The following PPP3CA variants were observed in gnomAD, a reference collection of about 807,000 sequenced individuals.
PPP3CA encodes protein phosphatase 3 catalytic subunit alpha, also known as CAM-PRP catalytic subunit.
A neutral mutation model predicts 66.5 loss-of-function variants in PPP3CA; 14 were observed. The ratio of observed to expected loss-of-function variants is 0.21; its 90% CI spans 0.14 to 0.33. The LOEUF (loss-of-function observed/expected upper bound fraction) is 0.33, where lower values mean the gene tolerates loss of function less well. PPP3CA is among the 10% of genes least tolerant of loss of function. The pLI, the probability that PPP3CA is intolerant of heterozygous loss-of-function variation, is 1.00. For synonymous variants in PPP3CA, 232 were observed against 226.2 expected (o/e 1.03, Z -0.23); for missense variants, 317 against 639.5 (o/e 0.50, Z 5.44).
At chr4:101,109,906 T>C (rs567524379) in intron 2 of PPP3CA, among the ~76,000 whole-genome samples, 20 of 152,222 alleles carry the variant, frequency 1.3e-4, no homozygotes, top group African/African-American at 4.6e-4. Context: ...ACTCTAAAAA[T>C]AATATTTTTA....
intron 1 of PPP3CA, among the ~76,000 whole-genome samples, chr4:101,248,530 A>C (rs1726564183): frequency 6.6e-6 from 1 of 152,194 alleles, no homozygotes; most frequent in Non-Finnish European, 1.5e-5. Flanking sequence ...TAAACATCAT[A>C]TCAAATTCCA....
chr4:101,059,569 A>G (rs1037862405), intron 10 of PPP3CA, among the ~76,000 whole-genome samples: 1 of 152,144 alleles, frequency 6.6e-6, no homozygotes, highest in Non-Finnish European at 1.5e-5. Flanking sequence ...GGTATTTTGC[A>G]TTTATACCCA....
chr4:101,027,644 G>C (rs1726721255), intron 13 of PPP3CA, among the ~76,000 whole-genome samples: 1 of 152,048 alleles, frequency 6.6e-6, no homozygotes. Flanking sequence ...GTCTTTTTTA[G>C]ACTACTGTGA....
rs578246897 is a variant in PPP3CA at position 101,147,736 on chromosome 4, A to C, written c.260-38658T>G. 3.3e-5 allele frequency among the ~76,000 whole-genome samples: 5 copies of C among 152,210 alleles called. No individual in the cohort carries two copies. The South Asian group carries it at 1.0e-3, about 32-fold the overall frequency. On this transcript the variant is annotated intron_variant, in intron 2 of 13. Coordinates refer to ENST00000394854, the MANE Select transcript of PPP3CA (RefSeq NM_000944.5). ...CACACACACACACACCCATACCCACACACAGATTTGTAGATTCAAACCACA... is the reference window on the plus strand; with the variant it reads ...CACACACACACACACCCATACCCACCCACAGATTTGTAGATTCAAACCACA...
intron 2 of PPP3CA, among the ~76,000 whole-genome samples, chr4:101,126,023 G>C (rs1260300729): frequency 6.6e-6 from 1 of 152,022 alleles, no homozygotes; most frequent in East Asian, 1.9e-4. Context: ...GAGATGTGCA[G>C]GTAAATTTAT....
rs151159286 is a variant in PPP3CA at position 101,294,991 on chromosome 4, T to C, written c.58+51748A>G. ...ATTACTTAAGAAAAAGGGCTACTGG[T>C]ATACTTGGTGTGAAAGTATATTCAC... On this transcript the variant is annotated intron_variant, in intron 1 of 13. Transcript: ENST00000394854. Among the ~76,000 whole-genome samples, 611 of 152,294 alleles carry C rather than the reference T, an allele frequency of 4.0e-3. 4 individuals are homozygous for C. Among genetic ancestry groups the C allele is most frequent in the East Asian group, 0.021 (110 of 5,182 alleles).
chr4:101,043,384 A>G (rs1727614859), intron 10 of PPP3CA, among the ~76,000 whole-genome samples: 1 of 152,204 alleles, frequency 6.6e-6, no homozygotes, highest in Admixed American at 6.5e-5. Context: ...ATGCTCAAAT[A>G]CATACTAAAT....
chr4:101,059,938 G>A (rs1035324208), intron 10 of PPP3CA, among the ~76,000 whole-genome samples: 1 of 152,034 alleles, frequency 6.6e-6, no homozygotes, highest in Non-Finnish European at 1.5e-5. Context: ...ATGCTATGTA[G>A]ATAGTTGTTA....
chr4:101,333,285 T>TG (rs1729501723), intron 1 of PPP3CA, among the ~76,000 whole-genome samples: 1 of 103,158 alleles, frequency 9.7e-6, no homozygotes, highest in Non-Finnish European at 2.0e-5. Flanking sequence ...TTTTTTTTTT[T>TG]TTTTTTTTTT....
intron 1 of PPP3CA, among the ~76,000 whole-genome samples, chr4:101,251,986 G>A (rs900484586): frequency 2.0e-5 from 3 of 152,122 alleles, no homozygotes; most frequent in Non-Finnish European, 2.9e-5. Flanking sequence ...CTGCAAGAGA[G>A]GATTTGTTTC....
chr4:101,121,012 C>G (rs1285907906), intron 2 of PPP3CA, among the ~76,000 whole-genome samples: 1 of 151,972 alleles, frequency 6.6e-6, no homozygotes, highest in East Asian at 1.9e-4. Context: ...GGCATATAAA[C>G]TGAGTGATCA....
At chr4:101,179,243 A>G (rs370400399) in intron 2 of PPP3CA, among the ~76,000 whole-genome samples, 1 of 151,914 alleles carries the variant, frequency 6.6e-6, no homozygotes, top group African/African-American at 2.4e-5. Flanking sequence ...CTAGAGTGCT[A>G]GTTAAAGAAA....
chr4:101,081,281 T>C (rs767191427), intron 7 of PPP3CA, among the ~76,000 whole-genome samples: 6 of 152,164 alleles, frequency 3.9e-5, no homozygotes, highest in Non-Finnish European at 8.8e-5. Context: ...ATTTTACAAA[T>C]TGAGACTGTT....
intron 1 of PPP3CA, among the ~76,000 whole-genome samples, chr4:101,288,395 C>T (rs536196023): frequency 6.6e-6 from 1 of 152,194 alleles, no homozygotes; most frequent in East Asian, 1.9e-4. Flanking sequence ...AATTGCAAGG[C>T]TGTCATTACA....
chr4:101,162,934 T>C (rs1251063617), intron 2 of PPP3CA, among the ~76,000 whole-genome samples: 1 of 152,180 alleles, frequency 6.6e-6, no homozygotes, highest in East Asian at 1.9e-4. Context: ...AGCACTATGT[T>C]TCCCAGACTC....
At chr4:101,305,564 G>T (rs899868962) in intron 1 of PPP3CA, among the ~76,000 whole-genome samples, 1 of 152,166 alleles carries the variant, frequency 6.6e-6, no homozygotes, top group Non-Finnish European at 1.5e-5. Flanking sequence ...CAGGCTAACT[G>T]ATGAGAAAGC....
intron 2 of PPP3CA, among the ~76,000 whole-genome samples, chr4:101,171,653 A>G (rs565219799): frequency 6.6e-6 from 1 of 152,276 alleles, no homozygotes; most frequent in South Asian, 2.1e-4. Context: ...GAACCCTGGC[A>G]TAACTCTAGA....
intron 2 of PPP3CA, among the ~76,000 whole-genome samples, chr4:101,192,045 A>G (rs1004504190): frequency 1.3e-5 from 2 of 152,214 alleles, no homozygotes; most frequent in African/African-American, 4.8e-5. Flanking sequence ...CTGCTTTTGC[A>G]TTACAAATGA....
rs199763475 is a variant in PPP3CA at position 101,301,434 on chromosome 4, TATTA to T, written c.58+45301_58+45304del. ...GTATATTAAATTTATATATAATATA[TATTA>T]ATTATATATTAAATTTATATATTAT... On this transcript the variant is annotated intron_variant, in intron 1 of 13. Coordinates refer to ENST00000394854, the MANE Select transcript of PPP3CA (RefSeq NM_000944.5). Among the ~76,000 whole-genome samples the T allele has an allele frequency of 9.6e-3, 1,415 of 147,068 alleles. 24 individuals are homozygous for T. Among genetic ancestry groups the T allele is most frequent in the African/African-American group, 0.028 (1,144 of 40,506 alleles).
Sources: gnomAD v4.1 joint callset for allele counts (sites outside exome capture counted in the v4.1 genomes callset) on GRCh38, gnomAD v4.1.1 for gene constraint, MANE v1.5 for transcripts, NCBI Gene and HGNC (gene_info 2026-07-23, HGNC 2026-07-21) for gene names.